The following CRYM variants were observed in gnomAD, a reference collection of about 807,000 sequenced individuals.
CRYM encodes ketimine reductase mu-crystallin.
Under a neutral mutation model 32.9 loss-of-function variants are expected in CRYM, and 18 were observed. The observed-to-expected ratio is 0.55, with a 90% CI of 0.38 to 0.81. The LOEUF (loss-of-function observed/expected upper bound fraction) is 0.81, where lower values mean the gene tolerates loss of function less well. Among genes scored for constraint, CRYM ranks in the 30% least tolerant of loss-of-function variants. The probability of loss-of-function intolerance (pLI) is 0.00; values close to 1 mark genes in which losing one functional copy is unlikely to be tolerated. For synonymous variants in CRYM, 153 were observed against 152.4 expected, an observed-to-expected ratio of 1.00 and a Z score of -0.03; for missense variants, 337 against 393.5, an observed-to-expected ratio of 0.86 and a Z score of 1.21.
intron 1 of CRYM, among the ~76,000 whole-genome samples, chr16:21,302,737 C>G (rs972378056): frequency 2.0e-5 from 3 of 152,136 alleles, no homozygotes; most frequent in Non-Finnish European, 2.9e-5. Flanking sequence ...ATAGGGGGAC[C>G]GTCTTCCTTG....
At chr16:21,275,411 C>G (rs553908139) in intron 3 of CRYM, 121 bp downstream of exon 3, 1 of 791,902 alleles carries the variant, frequency 1.3e-6, no homozygotes, top group Admixed American at 1.9e-5. Context: ...ATCTGGAGTT[C>G]CAGCTATGTC....
intron 1 of CRYM, among the ~76,000 whole-genome samples, chr16:21,291,205 T>C (rs975858286): frequency 1.3e-5 from 2 of 152,198 alleles, no homozygotes; most frequent in Non-Finnish European, 2.9e-5. Flanking sequence ...AAAAACTTTC[T>C]GCTTGATTCA....
chr16:21,261,106 A>C, intron 7 of CRYM, 148 bp downstream of exon 7: 1 of 725,426 alleles, frequency 1.4e-6, no homozygotes. Flanking sequence ...TGGGCTTAGC[A>C]CTAGGCTAAA....
intron 7 of CRYM, among the ~76,000 whole-genome samples, chr16:21,260,157 A>G (rs981644283): frequency 2.0e-4 from 30 of 152,116 alleles, no homozygotes; most frequent in African/African-American, 7.0e-4. Flanking sequence ...TCTGCCAGGC[A>G]TTTACTCTTT....
rs2093348585 is a variant in CRYM, at chr16:21,258,569, A to ATATATAACT, written c.*211_*212insAGTTATATA. The ATATATAACT allele has an allele frequency of 1.7e-6, 1 of 600,230 alleles. No individual in the cohort carries two copies. Among genetic ancestry groups the ATATATAACT allele is most frequent in the East Asian group, 2.8e-5 (1 of 35,104 alleles). The allele number at this position is 600,230 out of a possible 1,614,324, so 37.2% of individuals were successfully genotyped here. On this transcript the variant is annotated 3_prime_UTR_variant, in exon 8 of 8. Transcript: ENST00000572914. ...TTCAGGGAAATATAAAGGGAAATGA[A>ATATATAACT]TGCTATTATAACTTGGTAGAACAGA... is the stretch of plus-strand genomic sequence containing the variant.
Position 21,269,770 on chromosome 16 carries a change from A to ACCCCCCCCCC in CRYM, c.489+19_489+20insGGGGGGGGGG. On this transcript the variant is annotated intron_variant, in intron 4 of 7. Coordinates refer to ENST00000572914, the MANE Select transcript of CRYM (RefSeq NM_001376256.1). ...ACCACCCCCTTCCCTCTTCTCTCCC[A>ACCCCCCCCCC]CCCCCACCCCTGGACTTACCTCCTT... is the stretch of plus-strand genomic sequence containing the variant. The ACCCCCCCCCC allele has an allele frequency of 4.7e-6, 2 of 421,326 alleles. No homozygotes were observed. The highest frequency in any genetic ancestry group is 5.8e-4 in the Middle Eastern group (1 of 1,712). 26.1% of individuals were successfully genotyped at this position (421,326 alleles called of 1,614,324 possible). A position where few individuals can be genotyped will look rare whatever the true frequency, so the allele number is the denominator to read the frequency against.
intron 1 of CRYM, among the ~76,000 whole-genome samples, chr16:21,289,369 G>T (rs1567239630): frequency 6.6e-6 from 1 of 152,044 alleles, no homozygotes; most frequent in Non-Finnish European, 1.5e-5. Context: ...AGCCTATTTT[G>T]TCTGACATTA....
At chr16:21,267,482 G>A (rs1231256747) in intron 5 of CRYM, 72 bp downstream of exon 5, 3 of 1,490,514 alleles carry the variant, frequency 2.0e-6, no homozygotes, top group Non-Finnish European at 2.8e-6. Context: ...CTCTGCAAAT[G>A]TAGTCGACTG....
At chr16:21,285,140 G>T (rs2093405382) in intron 1 of CRYM, among the ~76,000 whole-genome samples, 1 of 152,072 alleles carries the variant, frequency 6.6e-6, no homozygotes, top group Non-Finnish European at 1.5e-5. Flanking sequence ...TTGTTGAATT[G>T]TTTCAGTTCC....
At chr16:21,293,099 G>C (rs1960704550) in intron 1 of CRYM, among the ~76,000 whole-genome samples, 2 of 152,312 alleles carry the variant, frequency 1.3e-5, no homozygotes, top group Non-Finnish European at 1.5e-5. Flanking sequence ...TACATGTATA[G>C]TCAGTTGATT....
intron 1 of CRYM, among the ~76,000 whole-genome samples, chr16:21,297,256 T>A (rs1350536987): frequency 6.6e-6 from 1 of 152,020 alleles, no homozygotes; most frequent in Admixed American, 6.6e-5. Flanking sequence ...TAGCCGGGCA[T>A]GGTGGCACAT....
Position 21,291,986 on chromosome 16 carries a change from CAG to C in CRYM, c.-193+10990_-193+10991del, listed in dbSNP as rs546640850. Among the ~76,000 whole-genome samples the C allele has an allele frequency of 2.0e-5, 3 of 152,136 alleles. No homozygotes were observed. In the East Asian group the frequency reaches 5.8e-4, roughly 29 times the overall value. ...TATATCTAAAAAACTTTGCCCAATA[CAG>C]AGTCACAAAAGCTTGATTGGATGTC... On this transcript the variant is annotated intron_variant, in intron 1 of 9. Transcript: ENST00000219599.
rs1288404410 is a variant in CRYM, at chr16:21,272,631, T to A, written c.388-2740A>T. Among the ~76,000 whole-genome samples, 3 of 149,296 alleles carry A rather than the reference T, an allele frequency of 2.0e-5. No individual in the cohort carries two copies. In the Admixed American group the frequency reaches 2.0e-4, roughly 10 times the overall value. On this transcript the variant is annotated intron_variant, in intron 3 of 7. Coordinates refer to ENST00000572914, the MANE Select transcript of CRYM (RefSeq NM_001376256.1). ...CTTACAGCACTTGTCAGCGTTGTAG[T>A]TTCATATTTATTGGTGTGAATTTTT...
intron 1 of CRYM, among the ~76,000 whole-genome samples, chr16:21,290,026 A>G (rs920813793): frequency 3.4e-5 from 5 of 148,722 alleles, no homozygotes; most frequent in Admixed American, 6.6e-5. Context: ...AGCACTCTGT[A>G]AAATGGACCA....
At chr16:21,281,477 C>T (rs1413823367), upstream of CRYM, among the ~76,000 whole-genome samples, 4 of 152,178 alleles carry the variant, frequency 2.6e-5, no homozygotes, top group South Asian at 2.1e-4. Context: ...ATGATCCACC[C>T]GCCTTGGCCT....
intron 1 of CRYM, among the ~76,000 whole-genome samples, chr16:21,284,572 T>C (rs1297464937): frequency 6.6e-6 from 1 of 151,962 alleles, no homozygotes; most frequent in Non-Finnish European, 1.5e-5. Flanking sequence ...TCTTTCTTTT[T>C]GTCTCCAGCT....
At position 21,290,201 on chromosome 16, in the gene CRYM, A is replaced by G. The variant is rs997384103; in HGVS notation, c.-192-11241T>C. Among the ~76,000 whole-genome samples, 4 of 152,282 alleles carry G rather than the reference A, an allele frequency of 2.6e-5. No individual in the cohort carries two copies. The East Asian group carries it at 5.8e-4, about 22-fold the overall frequency. Reference sequence around the variant, plus strand: ...GAACTTTTTTCTTTTGCTGTTCACAATAAGTCTTGCTGCTGCTCACTGTTT... The same window carrying G: ...GAACTTTTTTCTTTTGCTGTTCACAGTAAGTCTTGCTGCTGCTCACTGTTT... On this transcript the variant is annotated intron_variant, in intron 1 of 9. Coordinates refer to the CRYM transcript ENST00000219599.
Position 21,285,989 on chromosome 16 carries a change from TCA to T in CRYM, c.-192-7031_-192-7030del, listed in dbSNP as rs141730741. Among the ~76,000 whole-genome samples, 1,127 of 152,308 alleles carry T rather than the reference TCA, an allele frequency of 7.4e-3. 10 individuals carry two copies. The highest frequency in any genetic ancestry group is 0.025 in the African/African-American group (1,042 of 41,560). Reference sequence around the variant, plus strand: ...TGGGTTAGCAACCCTCATGAATGCATCAGGTTTTTTATTAGAGCTCTGGAAGT... The same window carrying T: ...TGGGTTAGCAACCCTCATGAATGCATGGTTTTTTATTAGAGCTCTGGAAGT... On this transcript the variant is annotated intron_variant, in intron 1 of 9. Transcript: ENST00000219599.
At chr16:21,296,838 G>A (rs560217525) in intron 1 of CRYM, among the ~76,000 whole-genome samples, 1 of 151,092 alleles carries the variant, frequency 6.6e-6, no homozygotes, top group South Asian at 2.1e-4. Flanking sequence ...GTGAAACCCC[G>A]TCTCTACTAA....
Sources: allele counts gnomAD v4.1 joint callset (sites outside exome capture counted in the v4.1 genomes callset), GRCh38; gene constraint gnomAD v4.1.1; transcripts MANE v1.5; gene names NCBI Gene and HGNC (gene_info 2026-07-23, HGNC 2026-07-21).